The following MYO16 variants were observed in gnomAD, a reference collection of about 807,000 sequenced individuals.
MYO16 encodes myosin XVI, also known as unconventional myosin-XVI.
In MYO16, 94 loss-of-function variants were observed where a neutral mutation model predicts 205.3. The ratio of observed to expected loss-of-function variants is 0.46; its 90% CI spans 0.39 to 0.54. The LOEUF is 0.54. Among genes scored for constraint, MYO16 ranks in the 20% least tolerant of loss-of-function variants. The probability of loss-of-function intolerance (pLI) is 0.00; values close to 1 mark genes in which losing one functional copy is unlikely to be tolerated. For missense variants in MYO16, 2,315 were observed against 2,387.5 expected (o/e 0.97, Z 0.63); for synonymous variants, 988 against 954.0 (o/e 1.04, Z -0.66).
intron 34 of MYO16, among the ~76,000 whole-genome samples, chr13:109,183,414 G>A (rs1035757130): frequency 6.6e-6 from 1 of 152,152 alleles, no homozygotes; most frequent in African/African-American, 2.4e-5. Flanking sequence ...ATGGCAGAAG[G>A]GGACGCAGAA....
chr13:108,501,258 A>G, the MYO16 span, among the ~76,000 whole-genome samples: 1 of 152,168 alleles, frequency 6.6e-6, no homozygotes, highest in Non-Finnish European at 1.5e-5. Context: ...TGAGCACAGC[A>G]GAAGATAAAA....
chr13:108,560,773 T>C, the MYO16 span, among the ~76,000 whole-genome samples: 1 of 152,196 alleles, frequency 6.6e-6, no homozygotes, highest in Admixed American at 6.5e-5. Context: ...ATAAATTACA[T>C]TTTGCATTGA....
chr13:108,830,613 G>A (rs1876555492), intron 9 of MYO16, among the ~76,000 whole-genome samples: 1 of 130,532 alleles, frequency 7.7e-6, no homozygotes, highest in Non-Finnish European at 1.6e-5. Flanking sequence ...ACTGTTGTGG[G>A]GTGGGGGGAG....
At chr13:108,638,877 C>T (rs1207627748) in intron 1 of MYO16, among the ~76,000 whole-genome samples, 2 of 152,046 alleles carry the variant, frequency 1.3e-5, no homozygotes, top group Non-Finnish European at 2.9e-5. Flanking sequence ...GGGGCAAGCT[C>T]ATCAGAGTAG....
chr13:108,956,491 C>G (rs1174652623), intron 16 of MYO16, among the ~76,000 whole-genome samples: 2 of 150,932 alleles, frequency 1.3e-5, no homozygotes, highest in Non-Finnish European at 2.9e-5. Context: ...GCCCTCAGAG[C>G]TGCCTGTCAC....
chr13:108,644,368 CTATCTAT>C (rs1880647279), intron 1 of MYO16, among the ~76,000 whole-genome samples: 1 of 43,962 alleles, frequency 2.3e-5, no homozygotes, highest in South Asian at 6.0e-4. Context: ...GTCTGTCTAT[CTATCTAT>C]CTATCTATCT....
intron 3 of MYO16, among the ~76,000 whole-genome samples, chr13:108,720,593 T>C (rs1428077499): frequency 6.6e-6 from 1 of 152,200 alleles, no homozygotes; most frequent in African/African-American, 2.4e-5. Context: ...GTTGTTGTTT[T>C]TTAATTTACT....
In MYO16 at chr13:108,763,585, A is replaced by G. The variant is rs182901955; in HGVS notation, c.508-22050A>G. On this transcript the variant is annotated intron_variant, in intron 4 of 34. Transcript: ENST00000457511. ...TTAATACAGATGTTAAAGAAGATGG[A>G]GGGCGAGTTTAAGAATGACTTCCAG... 7.5e-4 allele frequency among the ~76,000 whole-genome samples: 115 copies of G among 152,318 alleles called. 1 individual carries two copies. The highest frequency in any genetic ancestry group is 2.6e-3 in the African/African-American group (108 of 41,560).
At chr13:108,759,768 C>A (rs561985755) in intron 4 of MYO16, among the ~76,000 whole-genome samples, 10 of 149,626 alleles carry the variant, frequency 6.7e-5, no homozygotes, top group Non-Finnish European at 1.0e-4. Context: ...TGCAGTGAGC[C>A]GAGATCGCGC....
At chr13:108,833,102 G>A (rs1425157780) in intron 9 of MYO16, among the ~76,000 whole-genome samples, 1 of 151,890 alleles carries the variant, frequency 6.6e-6, no homozygotes, top group East Asian at 1.9e-4. Context: ...CCTTAAACAA[G>A]CTATTAAAAA....
chr13:108,508,048 G>T, the MYO16 span, among the ~76,000 whole-genome samples: 1 of 151,210 alleles, frequency 6.6e-6, no homozygotes, highest in African/African-American at 2.4e-5. Context: ...TAGGTTTCTG[G>T]ATTTTTTTCT....
chr13:109,178,584 T>C (rs1879321500), intron 33 of MYO16, among the ~76,000 whole-genome samples: 1 of 152,218 alleles, frequency 6.6e-6, no homozygotes, highest in African/African-American at 2.4e-5. Context: ...TTGAATTCAT[T>C]TTGTTGGGTT....
chr13:108,627,939 A>G (rs1434923662), upstream of MYO16, among the ~76,000 whole-genome samples: 1 of 152,212 alleles, frequency 6.6e-6, no homozygotes, highest in East Asian at 1.9e-4. Flanking sequence ...AGAAGGGGGT[A>G]GGGACATCTA....
intron 9 of MYO16, among the ~76,000 whole-genome samples, chr13:108,824,668 C>T (rs190726684): frequency 6.6e-6 from 1 of 152,150 alleles, no homozygotes; most frequent in East Asian, 1.9e-4. Context: ...TAGTGGAATA[C>T]ATATTCTTTT....
At chr13:108,667,455 T>G (rs9514877) in intron 2 of MYO16, among the ~76,000 whole-genome samples, 262 of 152,234 alleles carry the variant, frequency 1.7e-3, no homozygotes, top group Non-Finnish European at 2.8e-3. Flanking sequence ...TGTATCATAT[T>G]TTCTGGAAAG....
intron 1 of MYO16, among the ~76,000 whole-genome samples, chr13:108,644,596 A>T (rs1880668681): frequency 6.6e-6 from 1 of 152,148 alleles, no homozygotes; most frequent in Non-Finnish European, 1.5e-5. Flanking sequence ...TTCTTAATGA[A>T]CTCAAGCTCC....
intron 32 of MYO16, among the ~76,000 whole-genome samples, chr13:109,142,854 C>T (rs1877166143): frequency 1.3e-5 from 2 of 152,152 alleles, no homozygotes; most frequent in South Asian, 4.1e-4. Context: ...AGCCCAATCC[C>T]ACACTGTGGA....
rs559416180 is a variant in MYO16 at position 108,862,997 on chromosome 13, T to A, written c.1360-3180T>A. ...TTTTATGGAAAATAAGAAGAAAAAA[T>A]TATTTTCTAATTGTTCACGGGTAAT... On this transcript the variant is annotated intron_variant, in intron 11 of 34. Transcript: ENST00000457511. 6.6e-5 allele frequency among the ~76,000 whole-genome samples: 10 copies of A among 152,218 alleles called. No homozygotes were observed. The East Asian group carries it at 1.3e-3, about 21-fold the overall frequency.
At chr13:108,939,597 C>T (rs1882638155) in intron 16 of MYO16, among the ~76,000 whole-genome samples, 1 of 152,168 alleles carries the variant, frequency 6.6e-6, no homozygotes, top group Admixed American at 6.5e-5. Flanking sequence ...AATGTGTCAT[C>T]TTGGAAATAA....
Sources: allele counts gnomAD v4.1 joint callset (sites outside exome capture counted in the v4.1 genomes callset), GRCh38; gene constraint gnomAD v4.1.1; transcripts MANE v1.5; gene names NCBI Gene and HGNC (gene_info 2026-07-23, HGNC 2026-07-21).